Variants in GRID2 observed in about 807,000 individuals in gnomAD.
GRID2 encodes the protein glutamate ionotropic receptor delta type subunit 2.
GRID2 carries 33 observed loss-of-function variants against 114.8 expected under a neutral mutation model. The ratio of observed to expected loss-of-function variants is 0.29; its 90% CI spans 0.22 to 0.38. The LOEUF (loss-of-function observed/expected upper bound fraction) is 0.38. GRID2 is among the 10% of genes least tolerant of loss of function. The probability of loss-of-function intolerance (pLI) is 1.00; values close to 1 mark genes in which losing one functional copy is unlikely to be tolerated. For synonymous variants in GRID2, 505 were observed against 449.9 expected (o/e 1.12, Z -1.55); for missense variants, 1,184 against 1,257.7 (o/e 0.94, Z 0.89).
At chr4:92,570,033 A>C (rs893228529) in intron 1 of GRID2, among the ~76,000 whole-genome samples, 1 of 152,044 alleles carries the variant, frequency 6.6e-6, no homozygotes, top group African/African-American at 2.4e-5. Flanking sequence ...ATCTTTGCCT[A>C]TGCCTATGTC....
intron 4 of GRID2, among the ~76,000 whole-genome samples, chr4:93,155,020 A>T (rs1737053797): frequency 6.6e-6 from 1 of 151,860 alleles, no homozygotes; most frequent in Non-Finnish European, 1.5e-5. Flanking sequence ...CCTACAATTT[A>T]ATATTTTCAG....
chr4:93,613,913 A>T (rs1243017252), intron 13 of GRID2, among the ~76,000 whole-genome samples: 1 of 151,600 alleles, frequency 6.6e-6, no homozygotes, highest in Admixed American at 6.6e-5. Context: ...CCCCCAGCCT[A>T]GTTGCCGCCT....
In GRID2 at chr4:93,238,481, T is replaced by A. The variant is rs1388045975; in HGVS notation, c.1236T>A (p.Gly412=). The part of the protein sequence containing the change: ...GTNYGEELGR[G]VRKLGCWNPV... The stretch of plus-strand genomic sequence containing the variant: ...ACTATGGAGAAGAGCTTGGCAGAGG[T>A]GTTCGAAAAGTAAGACAAGACACAC... The change falls in exon 8 of 16, where the codon GGT becomes GGA. Residue 412 remains glycine, a synonymous_variant. Transcript: ENST00000282020. 6.2e-7 allele frequency: 1 copy of A among 1,609,468 alleles called. No individual in the cohort carries two copies. Among genetic ancestry groups the A allele is most frequent in the East Asian group, 2.2e-5 (1 of 44,732 alleles).
At chr4:93,405,274 A>G (rs1304346765) in intron 9 of GRID2, among the ~76,000 whole-genome samples, 1 of 152,186 alleles carries the variant, frequency 6.6e-6, no homozygotes, top group Non-Finnish European at 1.5e-5. Flanking sequence ...GAGCAACCAT[A>G]GTATATGTGT....
Position 92,941,189 on chromosome 4 carries a change from C to A in GRID2, c.245-143806C>A, listed in dbSNP as rs1258324051. Among the ~76,000 whole-genome samples, 7 of 152,108 alleles carry A rather than the reference C, an allele frequency of 4.6e-5. 1 individual carries two copies. In the South Asian group the frequency reaches 1.2e-3, roughly 27 times the overall value. On this transcript the variant is annotated intron_variant, in intron 2 of 15. Coordinates refer to ENST00000282020, the MANE Select transcript of GRID2 (RefSeq NM_001510.4). ...TCTGGTAGAATTCGGCTGTGAATCC[C>A]TCTGGTCCTGGACTTTTTTTGGTTG... is the stretch of plus-strand genomic sequence containing the variant.
At chr4:93,510,705 AG>A (rs1729078524) in intron 12 of GRID2, among the ~76,000 whole-genome samples, 2 of 152,168 alleles carry the variant, frequency 1.3e-5, no homozygotes, top group African/African-American at 4.8e-5. Context: ...TGACTCTGCC[AG>A]GGGGGAAAAA....
chr4:92,873,382 G>A (rs147764000), intron 2 of GRID2, among the ~76,000 whole-genome samples: 1 of 152,032 alleles, frequency 6.6e-6, no homozygotes, highest in African/African-American at 2.4e-5. Context: ...TCCAGTCCCA[G>A]CATTTTCATT....
chr4:93,522,372 G>T (rs1730424009), intron 13 of GRID2, among the ~76,000 whole-genome samples: 1 of 152,192 alleles, frequency 6.6e-6, no homozygotes, highest in South Asian at 2.1e-4. Context: ...AGACAAGACT[G>T]AAGGGGTTTG....
chr4:93,239,615 A>G (rs1747246338), intron 8 of GRID2, among the ~76,000 whole-genome samples: 1 of 151,576 alleles, frequency 6.6e-6, no homozygotes, highest in African/African-American at 2.4e-5. Flanking sequence ...TTTTTGTTTT[A>G]TAGTGAATAA....
At chr4:92,432,277 G>A (rs191974343) in intron 1 of GRID2, among the ~76,000 whole-genome samples, 3 of 152,092 alleles carry the variant, frequency 2.0e-5, no homozygotes, top group Non-Finnish European at 4.4e-5. Context: ...AGGCCCAAGG[G>A]TTCTTTAGTT....
At chr4:92,482,948 TG>T (rs1231308286) in intron 1 of GRID2, among the ~76,000 whole-genome samples, 1 of 152,206 alleles carries the variant, frequency 6.6e-6, no homozygotes, top group African/African-American at 2.4e-5. Context: ...ACTAATAATA[TG>T]TTGCAACATA....
chr4:93,114,312 A>G (rs954274898), intron 4 of GRID2, among the ~76,000 whole-genome samples: 7 of 152,088 alleles, frequency 4.6e-5, no homozygotes, highest in African/African-American at 1.2e-4. Flanking sequence ...CTGATAATCA[A>G]TTTCAACTGA....
At chr4:92,369,287 T>C (rs1729010390) in intron 1 of GRID2, among the ~76,000 whole-genome samples, 1 of 152,128 alleles carries the variant, frequency 6.6e-6, no homozygotes, top group Non-Finnish European at 1.5e-5. Flanking sequence ...ATTCCCCTAA[T>C]GTTAGACTAA....
chr4:93,067,275 C>G (rs773469945), intron 2 of GRID2, among the ~76,000 whole-genome samples: 3 of 151,842 alleles, frequency 2.0e-5, no homozygotes, highest in Non-Finnish European at 2.9e-5. Flanking sequence ...TGCCAAGCAC[C>G]CTTATCATCT....
Position 92,655,229 on chromosome 4 carries a change from A to G in GRID2, c.244+64943A>G, listed in dbSNP as rs990128747. 5.3e-5 allele frequency among the ~76,000 whole-genome samples: 8 copies of G among 151,782 alleles called. No homozygotes were observed. In the East Asian group the frequency reaches 7.7e-4, roughly 15 times the overall value. Reference sequence around the variant, plus strand: ...ATGTGGGTTTATTTCTGGGTTCTCTATTCTGTCCCATTTGTCAAACTTTAT... The same window carrying G: ...ATGTGGGTTTATTTCTGGGTTCTCTGTTCTGTCCCATTTGTCAAACTTTAT... On this transcript the variant is annotated intron_variant, in intron 2 of 15. Transcript: ENST00000282020.
intron 11 of GRID2, among the ~76,000 whole-genome samples, chr4:93,457,837 G>A (rs1723349969): frequency 6.6e-6 from 1 of 152,154 alleles, no homozygotes; most frequent in African/African-American, 2.4e-5. Context: ...GATATGACAG[G>A]AGAGATGATA....
intron 1 of GRID2, among the ~76,000 whole-genome samples, chr4:92,382,401 A>T (rs1276956057): frequency 6.6e-6 from 1 of 152,026 alleles, no homozygotes; most frequent in Non-Finnish European, 1.5e-5. Context: ...TGCTTTCTGA[A>T]TGTATTGCAT....
At chr4:93,799,169 C>T (rs995517012) in intron 1 of GRID2, among the ~76,000 whole-genome samples, 3 of 152,124 alleles carry the variant, frequency 2.0e-5, no homozygotes, top group East Asian at 1.9e-4. Context: ...GGCTAGAAAT[C>T]GTATTTATAA....
chr4:92,900,465 T>C lies in GRID2; in HGVS notation c.245-184530T>C, dbSNP rs1052336228. 3.3e-5 allele frequency among the ~76,000 whole-genome samples: 5 copies of C among 152,328 alleles called. No homozygotes were observed. The South Asian group carries it at 1.0e-3, about 32-fold the overall frequency. ...TCATACTATATGTCCATGTGTGCAA[T>C]GATTTAGCTTCCTCTTATAAGTGAT... On this transcript the variant is annotated intron_variant, in intron 2 of 15. Coordinates refer to ENST00000282020, the MANE Select transcript of GRID2 (RefSeq NM_001510.4).
Sources: allele counts gnomAD v4.1 joint callset (sites outside exome capture counted in the v4.1 genomes callset), GRCh38; gene constraint gnomAD v4.1.1; transcripts MANE v1.5; gene names NCBI Gene and HGNC (gene_info 2026-07-23, HGNC 2026-07-21).